Variants in CLVS1 observed in about 807,000 individuals in gnomAD.
The protein encoded by CLVS1 is clavesin 1, also known as clavesin-1.
CLVS1 carries 10 observed loss-of-function variants against 33.1 expected under a neutral mutation model. The ratio of observed to expected loss-of-function variants is 0.30; its 90% CI spans 0.19 to 0.51. The LOEUF is 0.51. CLVS1 is among the 20% of genes least tolerant of loss of function. CLVS1 has a pLI of 0.97. For missense variants in CLVS1, 343 were observed against 433.4 expected (o/e 0.79, Z 1.85); for synonymous variants, 163 against 166.1 (o/e 0.98, Z 0.14).
intron 2 of CLVS1, among the ~76,000 whole-genome samples, chr8:61,150,365 G>C (rs1455336012): frequency 6.6e-6 from 1 of 152,120 alleles, no homozygotes; most frequent in African/African-American, 2.4e-5. Context: ...CCAGACGCTT[G>C]GGCAGCTTTT....
intron 3 of CLVS1, among the ~76,000 whole-genome samples, chr8:61,412,118 C>G (rs1044036523): frequency 2.0e-5 from 3 of 152,138 alleles, no homozygotes; most frequent in Admixed American, 1.3e-4. Flanking sequence ...AGCATTCACA[C>G]CACACTAGGT....
the CLVS1 span, among the ~76,000 whole-genome samples, chr8:60,989,484 T>C: frequency 6.6e-6 from 1 of 152,180 alleles, no homozygotes; most frequent in Admixed American, 6.5e-5. Context: ...CCTTTCCACT[T>C]AGTCCACAAG....
At chr8:61,120,119 C>A (rs1464530834) in intron 1 of CLVS1, among the ~76,000 whole-genome samples, 4 of 147,680 alleles carry the variant, frequency 2.7e-5, no homozygotes, top group African/African-American at 1.0e-4. Context: ...TCATTTCATT[C>A]ATTTCATCTT....
chr8:61,263,159 G>A (rs1296053414), intron 2 of CLVS1, among the ~76,000 whole-genome samples: 1 of 152,130 alleles, frequency 6.6e-6, no homozygotes, highest in South Asian at 2.1e-4. Context: ...ACAAGGTACT[G>A]AAAACCTCTC....
At chr8:61,098,574 A>G (rs1310919100) in intron 1 of CLVS1, among the ~76,000 whole-genome samples, 2 of 152,166 alleles carry the variant, frequency 1.3e-5, no homozygotes, top group Non-Finnish European at 1.5e-5. Flanking sequence ...CAAAGCTCAA[A>G]GTGCTCTTCA....
chr8:61,118,855 T>A (rs1419649623), intron 1 of CLVS1, among the ~76,000 whole-genome samples: 1 of 152,210 alleles, frequency 6.6e-6, no homozygotes, highest in Non-Finnish European at 1.5e-5. Flanking sequence ...TCTGTTGATT[T>A]GGGGTGGAGA....
At chr8:61,439,581 T>C (rs1218502907) in intron 3 of CLVS1, among the ~76,000 whole-genome samples, 1 of 152,188 alleles carries the variant, frequency 6.6e-6, no homozygotes, top group African/African-American at 2.4e-5. Flanking sequence ...TTCTCCCACT[T>C]GAGCTCTATT....
chr8:61,340,772 G>T (rs1034227580), intron 2 of CLVS1, among the ~76,000 whole-genome samples: 2 of 152,134 alleles, frequency 1.3e-5, no homozygotes, highest in African/African-American at 2.4e-5. Flanking sequence ...TGTTTTCCAT[G>T]ATGGCTGTAC....
the CLVS1 span, among the ~76,000 whole-genome samples, chr8:61,004,942 T>TAAAAC: frequency 3.0e-3 from 444 of 146,502 alleles, 5 homozygotes; most frequent in South Asian, 0.02. Context: ...GTTTTTTGTT[T>TAAAAC]AAAACAAAAC....
At chr8:61,226,824 C>T (rs971555315) in intron 2 of CLVS1, among the ~76,000 whole-genome samples, 3 of 152,178 alleles carry the variant, frequency 2.0e-5, no homozygotes, top group African/African-American at 4.8e-5. Flanking sequence ...ACCCATCCAG[C>T]GAGGACATCG....
intron 3 of CLVS1, among the ~76,000 whole-genome samples, chr8:61,430,122 T>A (rs529901270): frequency 1.8e-4 from 27 of 152,356 alleles, no homozygotes; most frequent in African/African-American, 5.5e-4. Flanking sequence ...GCACTTTTTT[T>A]AAGTTGTGCC....
At chr8:61,194,600 A>G (rs1339719077) in intron 2 of CLVS1, among the ~76,000 whole-genome samples, 1 of 152,024 alleles carries the variant, frequency 6.6e-6, no homozygotes, top group Non-Finnish European at 1.5e-5. Context: ...ATAAATAAAT[A>G]TCATGATGGG....
intron 2 of CLVS1, among the ~76,000 whole-genome samples, chr8:61,254,693 T>A (rs1306233399): frequency 1.3e-5 from 2 of 151,902 alleles, no homozygotes; most frequent in Non-Finnish European, 2.9e-5. Flanking sequence ...ATGAGTGAGG[T>A]TCCGTGGGCA....
At chr8:61,224,267 A>T (rs1808283134) in intron 2 of CLVS1, among the ~76,000 whole-genome samples, 1 of 152,124 alleles carries the variant, frequency 6.6e-6, no homozygotes, top group South Asian at 2.1e-4. Context: ...TTGGGTTTTC[A>T]GCATTTTTTC....
At chr8:60,979,521 G>A in the CLVS1 span, among the ~76,000 whole-genome samples, 18 of 152,290 alleles carry the variant, frequency 1.2e-4, no homozygotes, top group Admixed American at 9.2e-4. Flanking sequence ...CATCCCTCCC[G>A]GTATCTGCTT....
intron 5 of CLVS1, among the ~76,000 whole-genome samples, chr8:61,464,135 G>GTAA (rs1470583460): frequency 8.6e-5 from 13 of 151,522 alleles, no homozygotes; most frequent in Admixed American, 8.6e-4. Context: ...TAACCAAAAT[G>GTAA]TAATACAGAG....
At chr8:61,084,564 C>T (rs1348747504) in intron 1 of CLVS1, among the ~76,000 whole-genome samples, 2 of 152,074 alleles carry the variant, frequency 1.3e-5, no homozygotes, top group African/African-American at 2.4e-5. Context: ...TTTATTTTGC[C>T]CAAAAGGTCA....
chr8:61,139,603 C>T (rs1305510413), intron 2 of CLVS1, among the ~76,000 whole-genome samples: 1 of 151,730 alleles, frequency 6.6e-6, no homozygotes, highest in Non-Finnish European at 1.5e-5. Context: ...AGGGAGGGCG[C>T]AGGCGTATTT....
chr8:61,127,892 C>A (rs189795003), intron 1 of CLVS1, among the ~76,000 whole-genome samples: 1 of 152,244 alleles, frequency 6.6e-6, no homozygotes, highest in African/African-American at 2.4e-5. Context: ...TATTGGAGAA[C>A]CATTCCAATT....
Sources: gnomAD v4.1 joint callset for allele counts (sites outside exome capture counted in the v4.1 genomes callset) on GRCh38, gnomAD v4.1.1 for gene constraint, MANE v1.5 for transcripts, NCBI Gene and HGNC (gene_info 2026-07-23, HGNC 2026-07-21) for gene names.